Variants in KNTC1 observed in about 807,000 individuals in gnomAD.
KNTC1 encodes the protein kinetochore associated 1.
Under a neutral mutation model 314.4 loss-of-function variants are expected in KNTC1, and 253 were observed. That is an observed-to-expected ratio of 0.80 (90% CI 0.73 to 0.89). The LOEUF (loss-of-function observed/expected upper bound fraction) is 0.89, where lower values mean the gene tolerates loss of function less well. KNTC1 is among the 40% of genes least tolerant of loss of function. The pLI is 0.00. For synonymous variants in KNTC1, 901 were observed against 901.4 expected (o/e 1.00, Z 0.01); for missense variants, 2,475 against 2,572.9 (o/e 0.96, Z 0.82).
At chr12:122,609,873 G>A (rs901472049) in intron 52 of KNTC1, among the ~76,000 whole-genome samples, 1 of 152,194 alleles carries the variant, frequency 6.6e-6, no homozygotes, top group South Asian at 2.1e-4. Context: ...GTTATGGCTT[G>A]TATTCTTGAG....
intron 43 of KNTC1, among the ~76,000 whole-genome samples, chr12:122,595,690 T>C (rs904387934): frequency 2.6e-5 from 4 of 152,256 alleles, no homozygotes; most frequent in African/African-American, 9.6e-5. Context: ...CATTCTTCAG[T>C]TTAGAGTGTT....
chr12:122,620,519 A>G lies in KNTC1; in HGVS notation c.6190A>G (p.Arg2064Gly), dbSNP rs1874311457. 1 of 1,613,562 alleles carries G rather than the reference A, an allele frequency of 6.2e-7. No homozygotes were observed. Among genetic ancestry groups the G allele is most frequent in the Admixed American group, 1.7e-5 (1 of 59,988 alleles). ...SGDLDLIGVA[R>G]QYIQLELPAF... ...TGATCTTGACCTGATCGGAGTCGCCAGGCAGTATATCCAGTTAGAACTTCC... is the reference window on the plus strand; with the variant it reads ...TGATCTTGACCTGATCGGAGTCGCCGGGCAGTATATCCAGTTAGAACTTCC... Residue 2064 changes from arginine (R) to glycine (G), a missense_variant, in exon 60 of 64, where the codon AGG (arginine) becomes GGG (glycine). Coordinates refer to ENST00000333479, the MANE Select transcript of KNTC1 (RefSeq NM_014708.6).
intron 20 of KNTC1, chr12:122,563,619 G>T: frequency 2.3e-6 from 1 of 443,594 alleles, no homozygotes; most frequent in Non-Finnish European, 3.5e-6. Context: ...TTTTCACTGC[G>T]CCACCCTAGC....
chr12:122,539,593 A>G lies in KNTC1; in HGVS notation c.367-83A>G, dbSNP rs1488168501. 4 of 935,028 alleles carry G rather than the reference A, an allele frequency of 4.3e-6. No homozygotes were observed. In the South Asian group the frequency reaches 6.7e-5, roughly 16 times the overall value. The allele number at this position is 935,028 out of a possible 1,614,324, so 57.9% of individuals were successfully genotyped here. A position where few individuals can be genotyped will look rare whatever the true frequency, so the allele number is the denominator to read the frequency against. ...GCAGAATTATTGCTAATGATAATTG[A>G]TAACTCTAGAGTTTAAAGAATAAAA... On this transcript the variant is annotated intron_variant, in intron 4 of 63. Coordinates refer to ENST00000333479, the MANE Select transcript of KNTC1 (RefSeq NM_014708.6).
At chr12:122,531,727 T>G (rs1961344576) in intron 2 of KNTC1, among the ~76,000 whole-genome samples, 3 of 152,046 alleles carry the variant, frequency 2.0e-5, no homozygotes. Flanking sequence ...GACGTCTATT[T>G]TTTAGTATTT....
intron 59 of KNTC1, 121 bp from the exon 60 acceptor site, chr12:122,620,358 G>C: frequency 1.3e-6 from 1 of 783,954 alleles, no homozygotes; most frequent in Middle Eastern, 3.6e-4. Flanking sequence ...TCATGCACCA[G>C]CACTTTAGTG....
chr12:122,611,630 A>C (rs1440515012), intron 53 of KNTC1: 1 of 152,246 alleles, frequency 6.6e-6, no homozygotes, highest in Non-Finnish European at 1.5e-5. Context: ...AATTAGTATT[A>C]GCATGTATTC....
At chr12:122,625,107 G>GA (rs1202591851) in intron 63 of KNTC1, among the ~76,000 whole-genome samples, 2 of 151,722 alleles carry the variant, frequency 1.3e-5, no homozygotes, top group Admixed American at 6.6e-5. Flanking sequence ...ATTCACTGCA[G>GA]AAAAAAAAGA....
At chr12:122,614,050 C>T (rs945178058) in intron 55 of KNTC1, among the ~76,000 whole-genome samples, 1 of 152,070 alleles carries the variant, frequency 6.6e-6, no homozygotes, top group Admixed American at 6.5e-5. Context: ...AGGCTGGTCT[C>T]GAACTCCTGA....
intron 3 of KNTC1, among the ~76,000 whole-genome samples, chr12:122,538,082 G>C (rs776579320): frequency 3.2e-4 from 48 of 152,168 alleles, no homozygotes; most frequent in Non-Finnish European, 6.2e-4. Context: ...AGGGTGCAGT[G>C]AACTGGGGTG....
At chr12:122,528,084 T>C (rs1302400996) in intron 1 of KNTC1, among the ~76,000 whole-genome samples, 3 of 152,240 alleles carry the variant, frequency 2.0e-5, no homozygotes, top group African/African-American at 7.2e-5. Flanking sequence ...CTGTTCAAGC[T>C]ATATTCCCAG....
Position 122,587,761 on chromosome 12 carries a change from AAT to A in KNTC1, c.3782_3783del (p.Asn1261ThrfsTer5), listed in dbSNP as rs775202855. ...VINSISALLQ[N>X]LQESSQWELA... is the part of the protein sequence containing the mutation. ...AAATTCCATCTCTGCCCTGCTTCAGAATCTTCAGGAATCTAGCCAGTGGGAGC... is the reference window on the plus strand; with the variant it reads ...AAATTCCATCTCTGCCCTGCTTCAGACTTCAGGAATCTAGCCAGTGGGAGC... On this transcript the variant is annotated frameshift_variant, in exon 39 of 64. Coordinates refer to ENST00000333479, the MANE Select transcript of KNTC1 (RefSeq NM_014708.6). LOFTEE classifies it high-confidence loss of function. The A allele has an allele frequency of 6.2e-7, 1 of 1,613,888 alleles. No individual in the cohort carries two copies. Among genetic ancestry groups the A allele is most frequent in the South Asian group, 1.1e-5 (1 of 91,064 alleles).
At chr12:122,537,022 G>C (rs888522379) in intron 3 of KNTC1, among the ~76,000 whole-genome samples, 1 of 152,200 alleles carries the variant, frequency 6.6e-6, no homozygotes, top group Non-Finnish European at 1.5e-5. Context: ...GTGGTGGGAT[G>C]AGTAACGATG....
Position 122,575,846 on chromosome 12 carries a change from CTT to C in KNTC1, c.2536_2537del (p.Leu846ThrfsTer20). 6.2e-7 allele frequency: 1 copy of C among 1,613,522 alleles called. No homozygotes were observed. Among genetic ancestry groups the C allele is most frequent in the South Asian group, 1.1e-5 (1 of 90,956 alleles). ...TTACAAACTAATGGAGATGAAAAAA[CTT>C]TTACGAGGCTATGGAATAAGAGAGG... Reference protein sequence around the residue: ...ESYKLMEMKKLLRGYGIREVN... With the variant: ...ESYKLMEMKKXLRGYGIREVN... On this transcript the variant is annotated frameshift_variant, in exon 29 of 64. Coordinates refer to ENST00000333479, the MANE Select transcript of KNTC1 (RefSeq NM_014708.6). LOFTEE classifies it high-confidence loss of function.
intron 5 of KNTC1, among the ~76,000 whole-genome samples, chr12:122,541,636 C>T (rs1215876541): frequency 2.9e-5 from 4 of 140,344 alleles, no homozygotes; most frequent in African/African-American, 4.9e-5. Flanking sequence ...TGAGCCACTG[C>T]GCCCCGCCTC....
intron 13 of KNTC1, among the ~76,000 whole-genome samples, chr12:122,550,495 G>GTGTTTT (rs1963121027): frequency 6.6e-6 from 1 of 150,510 alleles, no homozygotes; most frequent in African/African-American, 2.5e-5. Flanking sequence ...TTAGGTCTCT[G>GTGTTTT]TGTTTTTGTT....
intron 51 of KNTC1, among the ~76,000 whole-genome samples, chr12:122,605,871 T>G (rs901539950): frequency 1.3e-5 from 2 of 151,782 alleles, no homozygotes; most frequent in Non-Finnish European, 2.9e-5. Context: ...AAAGACAGAG[T>G]TTCGCTCTGT....
At chr12:122,554,021 G>A (rs1319777695) in intron 16 of KNTC1, among the ~76,000 whole-genome samples, 3 of 142,594 alleles carry the variant, frequency 2.1e-5, no homozygotes, top group African/African-American at 7.8e-5. Flanking sequence ...ACTCGTGCTT[G>A]TTTTAAAAAA....
At chr12:122,529,030 GA>G (rs1295355830) in intron 1 of KNTC1, among the ~76,000 whole-genome samples, 2 of 152,116 alleles carry the variant, frequency 1.3e-5, no homozygotes, top group Non-Finnish European at 2.9e-5. Flanking sequence ...TTTTAGTAGA[GA>G]GGGGGTTTCG....
Sources: allele counts gnomAD v4.1 joint callset (sites outside exome capture counted in the v4.1 genomes callset), GRCh38; gene constraint gnomAD v4.1.1; transcripts MANE v1.5; gene names NCBI Gene and HGNC (gene_info 2026-07-23, HGNC 2026-07-21).